Variants in COL12A1 observed in about 807,000 individuals in gnomAD.
COL12A1 encodes collagen type XII alpha 1 chain, also known as collagen alpha-1(XII) chain.
COL12A1 carries 114 observed loss-of-function variants against 349.7 expected under a neutral mutation model. That is an observed-to-expected ratio of 0.33 (90% confidence interval 0.28 to 0.38). The LOEUF (loss-of-function observed/expected upper bound fraction) is 0.38. Among genes scored for constraint, COL12A1 ranks in the 10% least tolerant of loss-of-function variants. The pLI, the probability that COL12A1 is intolerant of heterozygous loss-of-function variation, is 1.00. For synonymous variants in COL12A1, 1,369 were observed against 1,329.0 expected, an observed-to-expected ratio of 1.03 and a Z score of -0.66; for missense variants, 3,284 against 3,756.9, an observed-to-expected ratio of 0.87 and a Z score of 3.29.
intron 27 of COL12A1, among the ~76,000 whole-genome samples, chr6:75,141,490 G>C (rs534737518): frequency 2.6e-5 from 4 of 152,292 alleles, no homozygotes; most frequent in African/African-American, 9.6e-5. Flanking sequence ...TCCACTTACA[G>C]TGCAGTCGCC....
In COL12A1 at chr6:75,130,068, C is replaced by T. The variant is rs1237307540; in HGVS notation, c.6210+23G>A. ...ATTCAGCTAAGATGATAAAATGTGCCAATAAATGAGTATCAGACTTACATA... is the reference window on the plus strand; with the variant it reads ...ATTCAGCTAAGATGATAAAATGTGCTAATAAATGAGTATCAGACTTACATA... On this transcript the variant is annotated intron_variant, in intron 37 of 65. Transcript: ENST00000322507. 4 of 1,610,248 alleles carry T rather than the reference C, an allele frequency of 2.5e-6. No individual in the cohort carries two copies. The East Asian group carries it at 6.7e-5, about 27-fold the overall frequency.
intron 27 of COL12A1, among the ~76,000 whole-genome samples, chr6:75,140,582 G>A (rs1290511633): frequency 1.3e-5 from 2 of 150,890 alleles, no homozygotes; most frequent in Non-Finnish European, 2.9e-5. Context: ...CGTGAACCTG[G>A]GAGGCGGAGC....
At chr6:75,131,311 G>C (rs186357997) in intron 35 of COL12A1, among the ~76,000 whole-genome samples, 1 of 152,260 alleles carries the variant, frequency 6.6e-6, no homozygotes, top group Non-Finnish European at 1.5e-5. Context: ...ACAAGAATAG[G>C]AACTCTTATT....
chr6:75,109,877 C>T lies in COL12A1; in HGVS notation c.7951-710G>A, dbSNP rs190480848. Among the ~76,000 whole-genome samples, 141 of 152,148 alleles carry T rather than the reference C, an allele frequency of 9.3e-4. 1 individual carries two copies. The South Asian group carries it at 0.016, about 17-fold the overall frequency. ...TAATCCTTGTCTTTATAGTTATGCT[C>T]AGAGTTTCTACTTATCACAGCACAA... On this transcript the variant is annotated intron_variant, in intron 51 of 65. Transcript: ENST00000322507.
At chr6:75,115,695 A>G (rs986230986) in intron 49 of COL12A1, 89 bp downstream of exon 49, 7 of 1,465,078 alleles carry the variant, frequency 4.8e-6, no homozygotes, top group African/African-American at 1.4e-5. Flanking sequence ...TGACAATTCT[A>G]AAGTCCCAGG....
intron 10 of COL12A1, among the ~76,000 whole-genome samples, 185 bp downstream of exon 10, chr6:75,182,865 G>A (rs1769383168): frequency 6.6e-6 from 1 of 152,086 alleles, no homozygotes; most frequent in Non-Finnish European, 1.5e-5. Context: ...ACTAAAATAT[G>A]ATCCATATCC....
chr6:75,086,648 GTATATATATA>G (rs61611291), intron 65 of COL12A1, 91 bp from the exon 66 acceptor site: 2 of 289,000 alleles, frequency 6.9e-6, no homozygotes, highest in South Asian at 5.8e-5. Context: ...AATGGTTAAA[GTATATATATA>G]TATATATATA....
intron 21 of COL12A1, among the ~76,000 whole-genome samples, chr6:75,150,063 C>G (rs558538886): frequency 3.8e-4 from 58 of 152,220 alleles, no homozygotes; most frequent in African/African-American, 1.3e-3. Context: ...TTCAAATAAA[C>G]ATACCCCTAG....
chr6:75,151,363 C>T, intron 20 of COL12A1, 76 bp from the exon 21 acceptor site: 1 of 1,395,212 alleles, frequency 7.2e-7, no homozygotes, highest in Non-Finnish European at 9.8e-7. Flanking sequence ...TGATTTACGG[C>T]TTTCTTAATT....
chr6:75,175,780 A>G (rs1373631318), intron 12 of COL12A1, among the ~76,000 whole-genome samples: 5 of 152,236 alleles, frequency 3.3e-5, no homozygotes, highest in Non-Finnish European at 5.9e-5. Flanking sequence ...TAAATTATAA[A>G]CATATTGCTT....
intron 39 of COL12A1, 78 bp downstream of exon 39, chr6:75,126,272 TG>T: frequency 6.7e-7 from 1 of 1,491,432 alleles, no homozygotes; most frequent in Non-Finnish European, 9.1e-7. Flanking sequence ...AACCCAACAG[TG>T]GGGGATGAAA....
chr6:75,155,898 G>C, intron 15 of COL12A1, 44 bp from the exon 16 acceptor site: 1 of 1,534,364 alleles, frequency 6.5e-7, no homozygotes, highest in Non-Finnish European at 8.7e-7. Flanking sequence ...TGTAAGACTA[G>C]GCTTTGGGGT....
intron 13 of COL12A1, among the ~76,000 whole-genome samples, chr6:75,172,037 GC>G (rs1768664233): frequency 6.6e-6 from 1 of 152,092 alleles, no homozygotes; most frequent in Admixed American, 6.5e-5. Context: ...AAATTATCTA[GC>G]TTTCCTTCTT....
chr6:75,134,067 G>T, intron 32 of COL12A1, 70 bp from the exon 33 acceptor site: 1 of 1,524,380 alleles, frequency 6.6e-7, no homozygotes, highest in Non-Finnish European at 8.9e-7. Context: ...CAGATTCACT[G>T]ATATCTCCCA....
intron 59 of COL12A1, among the ~76,000 whole-genome samples, chr6:75,096,592 G>C (rs957289031): frequency 6.6e-6 from 1 of 152,194 alleles, no homozygotes; most frequent in African/African-American, 2.4e-5. Flanking sequence ...TATAGGCACA[G>C]ATTCTTAAAA....
rs774152082 is a variant in COL12A1, at chr6:75,113,735, G to A, written c.7707C>T (p.His2569=). 6.3e-7 allele frequency: 1 copy of A among 1,590,096 alleles called. No individual in the cohort carries two copies. ...TGTATGAAGGAGGGAGTCCATTTGG[G>A]TGTAGGTCTCTGTTGGATAAAACAA... The part of the protein sequence containing the change: ...AFVNQPTADL[H]PNGLPPSYTI... The change falls in exon 50 of 66, where the codon CAC becomes CAT. Residue 2569 remains histidine (H), a synonymous_variant. Coordinates refer to ENST00000322507, the MANE Select transcript of COL12A1 (RefSeq NM_004370.6).
In COL12A1 at chr6:75,113,187, T is replaced by C; in HGVS notation, c.7950+17A>G. 2.3e-6 allele frequency: 3 copies of C among 1,331,754 alleles called. No homozygotes were observed. The highest frequency in any genetic ancestry group is 3.1e-6 in the Non-Finnish European group (3 of 973,616). The allele number at this position is 1,331,754 out of a possible 1,614,324, so 82.5% of individuals were successfully genotyped here. A position where few individuals can be genotyped will look rare whatever the true frequency, so the allele number is the denominator to read the frequency against. Reference sequence around the variant, plus strand: ...TTTTTTTCTAGAAATAAGACTCAAATAATCTTATGTTTTTACCTTGTGAAA... The same window carrying C: ...TTTTTTTCTAGAAATAAGACTCAAACAATCTTATGTTTTTACCTTGTGAAA... On this transcript the variant is annotated intron_variant, in intron 51 of 65. Transcript: ENST00000322507.
intron 56 of COL12A1, among the ~76,000 whole-genome samples, chr6:75,102,341 G>C (rs1277793861): frequency 6.6e-6 from 1 of 152,028 alleles, no homozygotes; most frequent in Non-Finnish European, 1.5e-5. Context: ...TTTAACATAG[G>C]GGATATCTAC....
rs1035643006 is a variant in COL12A1, at chr6:75,124,361, A to G, written c.6618T>C (p.Asn2206=). The G allele has an allele frequency of 4.8e-5, 76 of 1,599,616 alleles. No homozygotes were observed. The highest frequency in any genetic ancestry group is 6.2e-5 in the Non-Finnish European group (73 of 1,169,944). Reference sequence around the variant, plus strand: ...TCTGGTAAGTTTTCAGATCTGTTACATTTAAATATACTACAAAATAAAGAA... The same window carrying G: ...TCTGGTAAGTTTTCAGATCTGTTACGTTTAAATATACTACAAAATAAAGAA... ...LTDQGTTLYL[N]VTDLKTYQIG... Residue 2206 remains asparagine (N), a synonymous_variant, in exon 41 of 66, where the codon AAT becomes AAC. Transcript: ENST00000322507.
Sources: allele counts gnomAD v4.1 joint callset (sites outside exome capture counted in the v4.1 genomes callset), GRCh38; gene constraint gnomAD v4.1.1; transcripts MANE v1.5; gene names NCBI Gene and HGNC (gene_info 2026-07-23, HGNC 2026-07-21).